The following UBA2 variants were observed in gnomAD, a reference collection of about 807,000 sequenced individuals.
UBA2 encodes ubiquitin like modifier activating enzyme 2.
UBA2 carries 11 observed loss-of-function variants against 77.2 expected under a neutral mutation model. That is an observed-to-expected ratio of 0.14 (90% confidence interval 0.09 to 0.24). UBA2 has a LOEUF of 0.24. UBA2 is among the 10% of genes least tolerant of loss of function. The pLI, the probability that UBA2 is intolerant of heterozygous loss-of-function variation, is 1.00. For synonymous variants in UBA2, 278 were observed against 276.7 expected, an observed-to-expected ratio of 1.00 and a Z score of -0.05; for missense variants, 487 against 781.7, an observed-to-expected ratio of 0.62 and a Z score of 4.50.
At position 34,469,877 on chromosome 19, in the gene UBA2, T is replaced by C. The variant is rs1025636071; in HGVS notation, c.*656T>C. The stretch of plus-strand genomic sequence containing the variant: ...ATACTTATGGACCAAATAAATGGCA[T>C]CTGCATTCTTGTTACACATGCCTGC... On this transcript the variant is annotated 3_prime_UTR_variant, in exon 17 of 17. Transcript: ENST00000246548. The C allele has an allele frequency of 6.5e-6, 1 of 152,724 alleles. No individual in the cohort carries two copies. Among genetic ancestry groups the C allele is most frequent in the Admixed American group, 6.5e-5 (1 of 15,274 alleles). 9.5% of individuals were successfully genotyped at this position (152,724 alleles called of 1,614,324 possible). A position where few individuals can be genotyped will look rare whatever the true frequency, so the allele number is the denominator to read the frequency against.
At chr19:34,432,568 T>G (rs542377493) in intron 3 of UBA2, among the ~76,000 whole-genome samples, 43 of 141,278 alleles carry the variant, frequency 3.0e-4, no homozygotes, top group African/African-American at 9.8e-4. Flanking sequence ...GTGTTTTTTT[T>G]GTGTGTGAGA....
At chr19:34,446,706 T>C (rs2075435710) in intron 8 of UBA2, among the ~76,000 whole-genome samples, 2 of 152,072 alleles carry the variant, frequency 1.3e-5, no homozygotes, top group Admixed American at 1.3e-4. Context: ...GCCTCCTGGT[T>C]CAGGCTATTC....
At chr19:34,429,277 T>C in intron 1 of UBA2, 1 of 983,190 alleles carries the variant, frequency 1.0e-6, no homozygotes, top group Non-Finnish European at 1.2e-6. Context: ...TGCATTGGTG[T>C]ACGTTGACAA....
At chr19:34,433,571 A>G (rs1310685349) in intron 4 of UBA2, among the ~76,000 whole-genome samples, 159 bp downstream of exon 4, 1 of 152,358 alleles carries the variant, frequency 6.6e-6, no homozygotes, top group South Asian at 2.1e-4. Context: ...GCAGTTTTAT[A>G]TAGAAATGAC....
At chr19:34,432,166 A>C (rs1194647890) in intron 3 of UBA2, 1 of 328,774 alleles carries the variant, frequency 3.0e-6, no homozygotes, top group Non-Finnish European at 5.5e-6. Context: ...GGAAATTTAT[A>C]AAGACCTTAT....
chr19:34,434,006 G>C (rs1160774720), intron 4 of UBA2, among the ~76,000 whole-genome samples: 1 of 152,136 alleles, frequency 6.6e-6, no homozygotes, highest in African/African-American at 2.4e-5. Context: ...ATGCTTGAGT[G>C]ATATTCTTTG....
At chr19:34,435,170 G>A (rs2075295289) in intron 5 of UBA2, among the ~76,000 whole-genome samples, 1 of 152,168 alleles carries the variant, frequency 6.6e-6, no homozygotes. Flanking sequence ...GGCCGAGGTG[G>A]GCGGATCACC....
intron 3 of UBA2, among the ~76,000 whole-genome samples, chr19:34,432,342 G>T (rs2075264958): frequency 6.6e-6 from 1 of 152,080 alleles, no homozygotes; most frequent in African/African-American, 2.4e-5. Context: ...ATTGTGGTAG[G>T]GCAGTAGTAT....
chr19:34,446,558 C>T (rs1219602612), intron 8 of UBA2, among the ~76,000 whole-genome samples: 2 of 151,162 alleles, frequency 1.3e-5, no homozygotes, highest in African/African-American at 2.4e-5. Context: ...GCTTGTATTT[C>T]GTCTTATTTC....
At chr19:34,444,354 C>A (rs868021101) in intron 7 of UBA2, among the ~76,000 whole-genome samples, 1 of 151,846 alleles carries the variant, frequency 6.6e-6, no homozygotes, top group Non-Finnish European at 1.5e-5. Context: ...CGTGCCTATC[C>A]AAAACAATGT....
intron 6 of UBA2, among the ~76,000 whole-genome samples, chr19:34,439,116 G>C (rs2145504671): frequency 6.6e-6 from 1 of 151,650 alleles, no homozygotes; most frequent in South Asian, 2.1e-4. Flanking sequence ...GCTGAGGCAA[G>C]AGAATTGCTT....
chr19:34,457,179 A>AATATATATATAT lies in UBA2; in HGVS notation c.1246-1566_1246-1555dup, dbSNP rs766043321. 8.3e-4 allele frequency among the ~76,000 whole-genome samples: 44 copies of AATATATATATAT among 53,214 alleles called. 1 individual carries two copies. The highest frequency in any genetic ancestry group is 3.9e-3 in the African/African-American group (33 of 8,522). The allele number at this position is 53,214 out of a possible 152,430, so 34.9% of individuals were successfully genotyped here. The stretch of plus-strand genomic sequence containing the variant: ...CCTGGTCTCTACTAAAAAAAAAAAA[A>AATATATATATAT]ATATATATATATATATATATATATA... On this transcript the variant is annotated intron_variant, in intron 12 of 16. Transcript: ENST00000246548.
intron 16 of UBA2, among the ~76,000 whole-genome samples, chr19:34,467,721 C>T (rs1265243694): frequency 6.6e-6 from 1 of 152,168 alleles, no homozygotes; most frequent in Non-Finnish European, 1.5e-5. Context: ...CGCGCCACTG[C>T]ACTCCATCCA....
intron 8 of UBA2, among the ~76,000 whole-genome samples, chr19:34,449,742 A>G (rs894873310): frequency 6.6e-6 from 1 of 151,880 alleles, no homozygotes; most frequent in African/African-American, 2.4e-5. Flanking sequence ...TCTGTGGGTT[A>G]TTTTTGGAGG....
intron 8 of UBA2, among the ~76,000 whole-genome samples, chr19:34,446,167 C>G (rs2075428118): frequency 6.6e-6 from 1 of 152,028 alleles, no homozygotes; most frequent in Non-Finnish European, 1.5e-5. Flanking sequence ...GCATGAACCA[C>G]TGAGCCTAGC....
chr19:34,429,409 A>G (rs1047832927), intron 1 of UBA2, among the ~76,000 whole-genome samples: 8 of 152,244 alleles, frequency 5.3e-5, no homozygotes. Flanking sequence ...GGAATGAACA[A>G]AAAAGTACGG....
At chr19:34,438,803 T>A in intron 6 of UBA2, 37 bp downstream of exon 6, 3 of 1,607,772 alleles carry the variant, frequency 1.9e-6, no homozygotes, top group Non-Finnish European at 2.5e-6. Flanking sequence ...TTTTCGGTAC[T>A]GATGATGGAA....
At chr19:34,431,234 A>G (rs1294734712) in intron 2 of UBA2, among the ~76,000 whole-genome samples, 1 of 70,528 alleles carries the variant, frequency 1.4e-5, no homozygotes, top group Non-Finnish European at 3.0e-5. Context: ...TTTTCCTATC[A>G]TTTTCTTTTC....
In UBA2 at chr19:34,428,485, G is replaced by C. The variant is rs764200638; in HGVS notation, c.53G>C (p.Gly18Ala). The C allele has an allele frequency of 1.5e-6, 2 of 1,295,988 alleles. No homozygotes were observed. Among genetic ancestry groups the C allele is most frequent in the African/African-American group, 3.0e-5 (2 of 66,230 alleles). The allele number at this position is 1,295,988 out of a possible 1,614,324, so 80.3% of individuals were successfully genotyped here. A position where few individuals can be genotyped will look rare whatever the true frequency, so the allele number is the denominator to read the frequency against. ...GAGCTGGCTGAGGCGGTGGCCGGGG[G>C]CCGGGTGCTGGTGGTGGGGGCGGGC... ...PRELAEAVAG[G>A]RVLVVGAGGI... The change falls in exon 1 of 17, where the codon GGC (glycine) becomes GCC (alanine). Residue 18 changes from glycine to alanine, a missense_variant. Coordinates refer to ENST00000246548, the MANE Select transcript of UBA2 (RefSeq NM_005499.3).
Sources: allele counts gnomAD v4.1 joint callset (sites outside exome capture counted in the v4.1 genomes callset), GRCh38; gene constraint gnomAD v4.1.1; transcripts MANE v1.5; gene names NCBI Gene and HGNC (gene_info 2026-07-23, HGNC 2026-07-21).